Variants in FLRT2 observed in about 807,000 individuals in gnomAD.
FLRT2 encodes the protein leucine-rich repeat transmembrane protein FLRT2.
A neutral mutation model predicts 40.0 loss-of-function variants in FLRT2; 15 were observed. The ratio of observed to expected loss-of-function variants is 0.38; its 90% CI spans 0.25 to 0.58. FLRT2 has a LOEUF of 0.58. Ranked by LOEUF, FLRT2 falls within the 20% of genes least tolerant of loss-of-function variation. FLRT2 has a pLI of 0.71. For synonymous variants in FLRT2, 380 were observed against 336.8 expected, an observed-to-expected ratio of 1.13 and a Z score of -1.41; for missense variants, 726 against 840.0, an observed-to-expected ratio of 0.86 and a Z score of 1.68.
rs183734997 is a variant in FLRT2, at chr14:85,558,371, G to A, written c.-377+27837G>A. 1.8e-3 allele frequency among the ~76,000 whole-genome samples: 279 copies of A among 152,130 alleles called. 5 individuals carry two copies. The highest frequency in any genetic ancestry group is 6.3e-3 in the African/African-American group (260 of 41,494). On this transcript the variant is annotated intron_variant, in intron 1 of 1. Coordinates refer to ENST00000330753, the MANE Select transcript of FLRT2 (RefSeq NM_013231.6). ...AGTAAATAAGGATAAAAGAAAAACC[G>A]AGTAGGTGGGAGAGAAGGAGGAATT...
chr14:85,592,659 G>A (rs10162567), intron 1 of FLRT2, among the ~76,000 whole-genome samples: 46,339 of 150,960 alleles, frequency 0.31, 7,799 homozygotes, highest in African/African-American at 0.45. Context: ...CATCAGGTTG[G>A]GCACCTGTAA....
At chr14:85,587,939 G>GT (rs72102578) in intron 1 of FLRT2, among the ~76,000 whole-genome samples, 125 of 148,362 alleles carry the variant, frequency 8.4e-4, no homozygotes, top group Admixed American at 2.2e-3. Flanking sequence ...TTTTTTGTTT[G>GT]TTTTTTTTTT....
intron 1 of FLRT2, among the ~76,000 whole-genome samples, chr14:85,606,180 C>T (rs12587268): frequency 0.3 from 45,789 of 152,028 alleles, 7,410 homozygotes; most frequent in African/African-American, 0.42. Context: ...TCTTGGTGAG[C>T]GCACAGCTCA....
intron 1 of FLRT2, among the ~76,000 whole-genome samples, chr14:85,557,923 G>A (rs1890074417): frequency 6.6e-6 from 1 of 152,144 alleles, no homozygotes; most frequent in Non-Finnish European, 1.5e-5. Flanking sequence ...AAGGAAAATG[G>A]TGACTGTAGA....
At chr14:85,594,421 T>G (rs374431855) in intron 1 of FLRT2, among the ~76,000 whole-genome samples, 4 of 152,084 alleles carry the variant, frequency 2.6e-5, no homozygotes, top group African/African-American at 9.7e-5. Context: ...CTCCCAGAGA[T>G]GTGTGTGTGC....
At position 85,611,917 on chromosome 14, in the gene FLRT2, CGTGTGTGTGTGTGTGTGT is replaced by C. The variant is rs71120529; in HGVS notation, c.-376-9193_-376-9176del. On this transcript the variant is annotated intron_variant, in intron 1 of 1. Coordinates refer to ENST00000330753, the MANE Select transcript of FLRT2 (RefSeq NM_013231.6). The stretch of plus-strand genomic sequence containing the variant: ...GAGAGAGAGCGCGCGTGCGCGAAAG[CGTGTGTGTGTGTGTGTGT>C]GTGTGTGTGTGTGTGTGTGTGTGTG... Among the ~76,000 whole-genome samples, 231 of 130,948 alleles carry C rather than the reference CGTGTGTGTGTGTGTGTGT, an allele frequency of 1.8e-3. 2 individuals are homozygous for C. Among genetic ancestry groups the C allele is most frequent in the Non-Finnish European group, 1.9e-3 (118 of 61,784 alleles). The allele number at this position is 130,948 out of a possible 152,430, so 85.9% of individuals were successfully genotyped here.
chr14:85,539,749 A>G (rs1346502859), intron 1 of FLRT2, among the ~76,000 whole-genome samples: 1 of 152,196 alleles, frequency 6.6e-6, no homozygotes, highest in Non-Finnish European at 1.5e-5. Context: ...CATTATTCAA[A>G]TTGATAACAT....
intron 1 of FLRT2, chr14:85,531,200 A>C (rs935961617): frequency 6.6e-6 from 1 of 152,326 alleles, no homozygotes; most frequent in East Asian, 1.9e-4. Context: ...CTTGGAGAGC[A>C]TACGAGGCGG....
In FLRT2 at chr14:85,622,930, C is replaced by G; in HGVS notation, c.1416C>G (p.Ser472Arg). ...GCATCGTTCAGGAGCGCATAGTCAG[C>G]GGTGAGAAGCAACACCTGAGCCTGG... The part of the protein sequence containing the change: ...VGGIVQERIV[S>R]GEKQHLSLVN... The change falls in exon 2 of 2, where the codon AGC becomes AGG. Residue 472 changes from serine to arginine, a missense_variant. By Grantham distance (110) the Ser-to-Arg change is moderately radical. Transcript: ENST00000330753. 1 of 1,614,134 alleles carries G rather than the reference C, an allele frequency of 6.2e-7. No individual in the cohort carries two copies. Among genetic ancestry groups the G allele is most frequent in the Non-Finnish European group, 8.5e-7 (1 of 1,180,002 alleles).
intron 1 of FLRT2, among the ~76,000 whole-genome samples, chr14:85,592,802 AAAAAAG>A (rs1566744853): frequency 2.0e-5 from 2 of 99,944 alleles, no homozygotes; most frequent in Non-Finnish European, 4.3e-5. Flanking sequence ...AAAAAAAAAA[AAAAAAG>A]AAAAAAAAGA....
intron 1 of FLRT2, among the ~76,000 whole-genome samples, chr14:85,578,519 C>T (rs116170832): frequency 0.01 from 1,537 of 152,104 alleles, 21 homozygotes; most frequent in African/African-American, 0.035. Context: ...AGTGCTGTCT[C>T]GGAGAAGTCA....
Position 85,621,657 on chromosome 14 carries a change from A to C in FLRT2, c.143A>C (p.Tyr48Ser). ...SVCRCDRNFV[Y>S]CNERSLTSVP... ...TGCCGCTGCGACAGGAACTTTGTCT[A>C]CTGTAATGAGCGAAGCTTGACCTCA... is the stretch of plus-strand genomic sequence containing the variant. Residue 48 changes from tyrosine (Y) to serine (S), a missense_variant, in exon 2 of 2, where the codon TAC becomes TCC. Tyr to Ser is a moderately radical substitution (Grantham distance 144). Around this residue, in one of 3 missense-constraint regions of FLRT2, gnomAD observed 106 missense variants for 121.2 expected, o/e 0.87. Coordinates refer to ENST00000330753, the MANE Select transcript of FLRT2 (RefSeq NM_013231.6). 1 of 1,613,976 alleles carries C rather than the reference A, an allele frequency of 6.2e-7. No homozygotes were observed. The highest frequency in any genetic ancestry group is 8.5e-7 in the Non-Finnish European group (1 of 1,179,990).
In FLRT2 at chr14:85,639,023, A is replaced by G. The variant is rs1894080375; in HGVS notation, c.*15526A>G. ...AAAATGTCCAAGAAAATGACAATCA[A>G]AACGATTAGTGCATTAGGATAAGTG... On this transcript the variant is annotated 3_prime_UTR_variant, in exon 2 of 2. Coordinates refer to ENST00000330753, the MANE Select transcript of FLRT2 (RefSeq NM_013231.6). 6.6e-6 allele frequency: 1 copy of G among 152,244 alleles called. No individual in the cohort carries two copies. The highest frequency in any genetic ancestry group is 6.5e-5 in the Admixed American group (1 of 15,282). The allele number at this position is 152,244 out of a possible 1,614,324, so 9.4% of individuals were successfully genotyped here.
At chr14:85,560,607 TAAATAAA>T (rs1200673521) in intron 1 of FLRT2, among the ~76,000 whole-genome samples, 8 of 148,786 alleles carry the variant, frequency 5.4e-5, no homozygotes, top group African/African-American at 9.9e-5. Context: ...ATAAAAGAAA[TAAATAAA>T]AAATAAAGAA....
In FLRT2 at chr14:85,604,295, T is replaced by G. The variant is rs552105229; in HGVS notation, c.-376-16844T>G. Among the ~76,000 whole-genome samples the G allele has an allele frequency of 3.3e-5, 5 of 152,350 alleles. No individual in the cohort carries two copies. The East Asian group carries it at 9.6e-4, about 29-fold the overall frequency. On this transcript the variant is annotated intron_variant, in intron 1 of 1. Transcript: ENST00000330753. The stretch of plus-strand genomic sequence containing the variant: ...ATTCAGGAGTAAAATCATGACTTCC[T>G]GAGTCTTATCCAGATCTTCCTTTAC...
intron 1 of FLRT2, among the ~76,000 whole-genome samples, chr14:85,613,043 CAA>C (rs1268202168): frequency 6.6e-6 from 1 of 151,924 alleles, no homozygotes; most frequent in African/African-American, 2.4e-5. Context: ...TTATAGCTCT[CAA>C]AGATATTGGC....
At chr14:85,551,842 A>T (rs1889645921) in intron 1 of FLRT2, 1 of 152,136 alleles carries the variant, frequency 6.6e-6, no homozygotes, top group South Asian at 2.1e-4. Context: ...TATTTCTTAA[A>T]GTTTCCATTT....
intron 1 of FLRT2, among the ~76,000 whole-genome samples, chr14:85,566,554 T>TGC (rs1890623353): frequency 7.3e-6 from 1 of 137,120 alleles, no homozygotes; most frequent in African/African-American, 2.6e-5. Flanking sequence ...CATGGTTGTG[T>TGC]GTGTGTGTGT....
At position 85,559,148 on chromosome 14, in the gene FLRT2, A is replaced by C. The variant is rs554312802; in HGVS notation, c.-377+28614A>C. On this transcript the variant is annotated intron_variant, in intron 1 of 1. Transcript: ENST00000330753. ...GCCCCATCAACACATACTTTTTGAA[A>C]ATATGCTCAGCAGAGGGGTACAAGC... Among the ~76,000 whole-genome samples the C allele has an allele frequency of 3.9e-5, 6 of 152,306 alleles. No homozygotes were observed. The South Asian group carries it at 1.2e-3, about 32-fold the overall frequency.
Sources: gnomAD v4.1 joint callset for allele counts (sites outside exome capture counted in the v4.1 genomes callset) on GRCh38, gnomAD v4.1.1 for gene constraint, gnomAD v4.1.1 regional missense constraint, MANE v1.5 for transcripts, NCBI Gene and HGNC (gene_info 2026-07-23, HGNC 2026-07-21) for gene names.